Variants in NEGR1 observed in about 807,000 individuals in gnomAD.
NEGR1 encodes IgLON family member 4.
A neutral mutation model predicts 40.9 loss-of-function variants in NEGR1; 10 were observed. The observed-to-expected ratio is 0.24, with a 90% CI of 0.15 to 0.42. The LOEUF is 0.42. NEGR1 is among the 10% of genes least tolerant of loss of function. The pLI is 1.00. For synonymous variants in NEGR1, 185 were observed against 166.8 expected (o/e 1.11, Z -0.84); for missense variants, 352 against 438.9 (o/e 0.80, Z 1.77).
intron 2 of NEGR1, among the ~76,000 whole-genome samples, chr1:71,880,656 A>C (rs1660559295): frequency 6.6e-6 from 1 of 152,042 alleles, no homozygotes; most frequent in Non-Finnish European, 1.5e-5. Flanking sequence ...CCATCTGGCA[A>C]AATACGAATT....
intron 2 of NEGR1, among the ~76,000 whole-genome samples, chr1:71,853,254 G>A (rs768785460): frequency 2.6e-5 from 4 of 152,042 alleles, no homozygotes; most frequent in African/African-American, 9.7e-5. Context: ...TATTTTTACA[G>A]ATGCTACTCA....
At chr1:71,837,479 T>C (rs1187304922) in intron 2 of NEGR1, among the ~76,000 whole-genome samples, 1 of 152,094 alleles carries the variant, frequency 6.6e-6, no homozygotes, top group East Asian at 1.9e-4. Context: ...TTTGTTGCCG[T>C]TAAAATACAT....
intron 6 of NEGR1, among the ~76,000 whole-genome samples, chr1:71,429,590 CT>C (rs570015286): frequency 1.3e-4 from 20 of 152,266 alleles, no homozygotes; most frequent in Admixed American, 1.2e-3. Context: ...TGTTCTCACT[CT>C]GGGACCTCTC....
chr1:72,216,826 T>G (rs1217437641), intron 1 of NEGR1, among the ~76,000 whole-genome samples: 1 of 151,626 alleles, frequency 6.6e-6, no homozygotes, highest in Non-Finnish European at 1.5e-5. Flanking sequence ...ATTATTATGA[T>G]GATGATTATA....
intron 6 of NEGR1, among the ~76,000 whole-genome samples, chr1:71,561,526 C>A (rs1035088122): frequency 1.3e-5 from 2 of 151,692 alleles, no homozygotes; most frequent in Admixed American, 1.3e-4. Context: ...TATGAAATGC[C>A]AATCTCAAGC....
At chr1:71,992,014 C>T (rs546541332) in intron 1 of NEGR1, among the ~76,000 whole-genome samples, 1 of 151,858 alleles carries the variant, frequency 6.6e-6, no homozygotes, top group Non-Finnish European at 1.5e-5. Context: ...AGGCTGGTCA[C>T]GAACTCCTGA....
At chr1:71,410,182 T>C (rs918970493) in intron 6 of NEGR1, among the ~76,000 whole-genome samples, 3 of 152,122 alleles carry the variant, frequency 2.0e-5, no homozygotes, top group Non-Finnish European at 4.4e-5. Flanking sequence ...AATATTTATA[T>C]TAGTCCTGAA....
At chr1:71,775,836 CA>C in intron 3 of NEGR1, among the ~76,000 whole-genome samples, 1 of 151,100 alleles carries the variant, frequency 6.6e-6, no homozygotes. Flanking sequence ...ACTAAAAATA[CA>C]AAAAAAGTAG....
chr1:71,785,950 C>G (rs960192079), intron 2 of NEGR1, among the ~76,000 whole-genome samples: 2 of 152,136 alleles, frequency 1.3e-5, no homozygotes, highest in South Asian at 2.1e-4. Flanking sequence ...TATCTAAAAG[C>G]TGCTCTGGTG....
chr1:71,823,606 A>G (rs1658510955), intron 2 of NEGR1, among the ~76,000 whole-genome samples: 1 of 152,020 alleles, frequency 6.6e-6, no homozygotes, highest in Non-Finnish European at 1.5e-5. Flanking sequence ...ACTTCATAGC[A>G]TCTCAGACCT....
chr1:71,909,919 A>G (rs1455121622), intron 2 of NEGR1, among the ~76,000 whole-genome samples: 2 of 152,232 alleles, frequency 1.3e-5, no homozygotes, highest in Non-Finnish European at 2.9e-5. Context: ...CATAGACTCT[A>G]TAAATAGTAT....
At chr1:71,923,008 G>A (rs904441058) in intron 2 of NEGR1, among the ~76,000 whole-genome samples, 1 of 152,086 alleles carries the variant, frequency 6.6e-6, no homozygotes. Flanking sequence ...AAACAGACCA[G>A]AGAGAAAAAA....
At chr1:72,044,581 T>C (rs1036040463) in intron 1 of NEGR1, among the ~76,000 whole-genome samples, 4 of 151,902 alleles carry the variant, frequency 2.6e-5, no homozygotes, top group Admixed American at 1.3e-4. Context: ...TAGATTGGAC[T>C]GAATCATTAA....
chr1:72,245,048 G>A (rs1570169097), intron 1 of NEGR1, among the ~76,000 whole-genome samples: 1 of 152,038 alleles, frequency 6.6e-6, no homozygotes, highest in African/African-American at 2.4e-5. Context: ...GAAACAAGAA[G>A]AGAGAGCATT....
intron 6 of NEGR1, among the ~76,000 whole-genome samples, chr1:71,505,350 T>C (rs769440555): frequency 8.5e-5 from 13 of 152,056 alleles, no homozygotes; most frequent in East Asian, 1.9e-4. Context: ...GGCGCTATCT[T>C]GGCTCACTGC....
chr1:72,278,999 A>C (rs1656157791), intron 1 of NEGR1, among the ~76,000 whole-genome samples: 1 of 152,108 alleles, frequency 6.6e-6, no homozygotes, highest in Non-Finnish European at 1.5e-5. Context: ...CAAATAATTC[A>C]AGTGAATCAT....
chr1:71,444,143 T>C (rs1646565471), intron 6 of NEGR1, among the ~76,000 whole-genome samples: 1 of 152,166 alleles, frequency 6.6e-6, no homozygotes, highest in Non-Finnish European at 1.5e-5. Flanking sequence ...ATTCCCATGT[T>C]TTAATTGTAG....
chr1:71,777,095 A>C (rs536875257), intron 2 of NEGR1, among the ~76,000 whole-genome samples: 25 of 152,238 alleles, frequency 1.6e-4, no homozygotes, highest in African/African-American at 6.0e-4. Context: ...AATGTTGGAG[A>C]GAAAAGTCTC....
intron 1 of NEGR1, among the ~76,000 whole-genome samples, chr1:72,021,673 A>G (rs1646757742): frequency 6.6e-6 from 1 of 152,192 alleles, no homozygotes; most frequent in South Asian, 2.1e-4. Context: ...AATTTACTCA[A>G]AAAACTTACT....
Sources: gnomAD v4.1 joint callset for allele counts (sites outside exome capture counted in the v4.1 genomes callset) on GRCh38, gnomAD v4.1.1 for gene constraint, MANE v1.5 for transcripts, NCBI Gene and HGNC (gene_info 2026-07-23, HGNC 2026-07-21) for gene names.